Variants in THSD7A observed in about 807,000 individuals in gnomAD.
The protein encoded by THSD7A is thrombospondin type 1 domain containing 7A.
In THSD7A, 96 loss-of-function variants were observed where a neutral mutation model predicts 231.3. The ratio of observed to expected loss-of-function variants is 0.41; its 90% CI spans 0.35 to 0.49. The LOEUF is 0.49. Ranked by LOEUF, THSD7A falls within the 20% of genes least tolerant of loss-of-function variation. THSD7A has a pLI of 0.05. For missense variants in THSD7A, 2,290 were observed against 2,070.2 expected (o/e 1.11, Z -2.06); for synonymous variants, 940 against 743.3 (o/e 1.26, Z -4.30).
intron 1 of THSD7A, among the ~76,000 whole-genome samples, chr7:11,758,765 A>G (rs187691728): frequency 6.6e-6 from 1 of 152,238 alleles, no homozygotes; most frequent in African/African-American, 2.4e-5. Context: ...AGTGGTTATC[A>G]AAGTTTTTCT....
intron 17 of THSD7A, among the ~76,000 whole-genome samples, chr7:11,416,246 C>T (rs1190455779): frequency 6.6e-6 from 1 of 152,074 alleles, no homozygotes; most frequent in Non-Finnish European, 1.5e-5. Context: ...ATATAGAAAC[C>T]TACTGGACAA....
At chr7:11,742,697 C>T (rs1782153590) in intron 1 of THSD7A, among the ~76,000 whole-genome samples, 1 of 151,874 alleles carries the variant, frequency 6.6e-6, no homozygotes, top group Admixed American at 6.6e-5. Flanking sequence ...TGGGAGGTTG[C>T]TATTAATAAG....
At chr7:11,639,252 T>A (rs566698085) in intron 1 of THSD7A, among the ~76,000 whole-genome samples, 1 of 152,348 alleles carries the variant, frequency 6.6e-6, no homozygotes, top group East Asian at 1.9e-4. Flanking sequence ...GACTGACTAA[T>A]CAGATTGAGG....
intron 4 of THSD7A, among the ~76,000 whole-genome samples, chr7:11,560,371 T>C (rs111646190): frequency 4.6e-5 from 7 of 152,244 alleles, no homozygotes; most frequent in Middle Eastern, 3.4e-3. Context: ...CTGTTTAACA[T>C]GAACAACTTC....
intron 1 of THSD7A, among the ~76,000 whole-genome samples, chr7:11,698,108 C>T (rs1290963077): frequency 6.6e-6 from 1 of 151,350 alleles, no homozygotes; most frequent in Non-Finnish European, 1.5e-5. Flanking sequence ...TGTACAATTT[C>T]ATTACTTCCA....
intron 1 of THSD7A, among the ~76,000 whole-genome samples, chr7:11,742,711 C>A (rs919989916): frequency 1.3e-5 from 2 of 151,878 alleles, no homozygotes; most frequent in Non-Finnish European, 2.9e-5. Context: ...TAATAAGGAT[C>A]CCTGCTGTTG....
chr7:11,533,690 T>G (rs1026318917), intron 6 of THSD7A, among the ~76,000 whole-genome samples: 4 of 152,064 alleles, frequency 2.6e-5, no homozygotes, highest in African/African-American at 7.2e-5. Context: ...AGGTGAACAA[T>G]GAGAACACAG....
Position 11,593,259 on chromosome 7 carries a change from A to G in THSD7A, c.1266T>C (p.Cys422=). 1 of 1,613,958 alleles carries G rather than the reference A, an allele frequency of 6.2e-7. No homozygotes were observed. Among genetic ancestry groups the G allele is most frequent in the Non-Finnish European group, 8.5e-7 (1 of 1,179,898 alleles). The change falls in exon 3 of 28, where the codon TGT becomes TGC. Residue 422 remains cysteine, a synonymous_variant. Coordinates refer to ENST00000423059, the MANE Select transcript of THSD7A (RefSeq NM_015204.3). ...ACCCTTCTTTATTTACTCACGTGGCACAGGGGACAACTCCATCTCCTTGAG... is the reference window on the plus strand; with the variant it reads ...ACCCTTCTTTATTTACTCACGTGGCGCAGGGGACAACTCCATCTCCTTGAG... ...CLSQGDGVVP[C]ATYGWRTTEW...
chr7:11,746,226 G>A (rs1313644952), intron 1 of THSD7A, among the ~76,000 whole-genome samples: 2 of 151,858 alleles, frequency 1.3e-5, no homozygotes, highest in Non-Finnish European at 2.9e-5. Context: ...CAGAAAAGTT[G>A]CCAAGATTGT....
chr7:11,412,731 A>C lies in THSD7A; in HGVS notation c.3607T>G (p.Ser1203Ala). Residue 1203 changes from serine (S) to alanine (A), a missense_variant, in exon 18 of 28, where the codon TCT becomes GCT. Ser to Ala is a moderately conservative substitution (Grantham distance 99). Coordinates refer to ENST00000423059, the MANE Select transcript of THSD7A (RefSeq NM_015204.3). ...PIRQPADEGR[S>A]CPNAVEKEPC... is the part of the protein sequence containing the mutation. ...TCTTTCTCAACAGCATTAGGGCAAG[A>C]TCTTCCTTCATCAGCTGGTTGTCTG... 5 of 1,613,798 alleles carry C rather than the reference A, an allele frequency of 3.1e-6. No individual in the cohort carries two copies. Among genetic ancestry groups the C allele is most frequent in the Non-Finnish European group, 4.2e-6 (5 of 1,179,824 alleles).
At chr7:11,605,857 C>A (rs1170322085) in intron 2 of THSD7A, among the ~76,000 whole-genome samples, 1 of 152,144 alleles carries the variant, frequency 6.6e-6, no homozygotes, top group Non-Finnish European at 1.5e-5. Context: ...TATGTTGCTG[C>A]TGGCACACAC....
At chr7:11,574,678 C>T (rs1420978713) in intron 4 of THSD7A, among the ~76,000 whole-genome samples, 7 of 151,716 alleles carry the variant, frequency 4.6e-5, no homozygotes, top group Admixed American at 6.6e-5. Context: ...CCTCGTGATC[C>T]GCCCACCTCG....
intron 1 of THSD7A, among the ~76,000 whole-genome samples, chr7:11,827,765 A>G (rs1236929929): frequency 6.6e-6 from 1 of 152,178 alleles, no homozygotes; most frequent in African/African-American, 2.4e-5. Flanking sequence ...CCCATGAGAT[A>G]TATTGGTCTA....
intron 1 of THSD7A, among the ~76,000 whole-genome samples, chr7:11,771,960 C>T (rs1223559453): frequency 1.3e-5 from 2 of 152,198 alleles, no homozygotes; most frequent in Admixed American, 1.3e-4. Flanking sequence ...CTTTCACCTT[C>T]CGCCATGGTT....
intron 1 of THSD7A, among the ~76,000 whole-genome samples, chr7:11,802,887 A>C (rs1784313343): frequency 6.6e-6 from 1 of 152,172 alleles, no homozygotes; most frequent in Non-Finnish European, 1.5e-5. Flanking sequence ...AATAATGAGA[A>C]AATCTAGACA....
chr7:11,687,069 CA>C (rs1780080147), intron 1 of THSD7A, among the ~76,000 whole-genome samples: 1 of 151,690 alleles, frequency 6.6e-6, no homozygotes, highest in African/African-American at 2.4e-5. Flanking sequence ...TAATTTTTTA[CA>C]TTAATTTTGA....
At chr7:11,711,327 A>G (rs1780956692) in intron 1 of THSD7A, among the ~76,000 whole-genome samples, 1 of 150,904 alleles carries the variant, frequency 6.6e-6, no homozygotes, top group South Asian at 2.1e-4. Context: ...CAGAGGCCCA[A>G]GTTAAAATCT....
At chr7:11,384,453 A>G (rs984937321) in intron 23 of THSD7A, 2 of 151,812 alleles carry the variant, frequency 1.3e-5, no homozygotes, top group African/African-American at 4.8e-5. Flanking sequence ...CCTTGAGTTC[A>G]TGAAAATATC....
intron 4 of THSD7A, among the ~76,000 whole-genome samples, chr7:11,558,726 A>G (rs1399883419): frequency 6.6e-6 from 1 of 152,214 alleles, no homozygotes; most frequent in African/African-American, 2.4e-5. Flanking sequence ...TAGGAGTAAA[A>G]TTAAGCATTG....
Sources: allele counts gnomAD v4.1 joint callset (sites outside exome capture counted in the v4.1 genomes callset), GRCh38; gene constraint gnomAD v4.1.1; transcripts MANE v1.5; gene names NCBI Gene and HGNC (gene_info 2026-07-23, HGNC 2026-07-21).